The following LCOR variants were observed in gnomAD, a reference collection of about 807,000 sequenced individuals.
LCOR encodes the protein ligand dependent nuclear receptor corepressor.
In LCOR, 14 loss-of-function variants were observed where a neutral mutation model predicts 64.4. That is an observed-to-expected ratio of 0.22 (90% CI 0.14 to 0.34). LCOR has a LOEUF of 0.34. Among genes scored for constraint, LCOR ranks in the 10% least tolerant of loss-of-function variants. The probability of loss-of-function intolerance (pLI) is 1.00; values close to 1 mark genes in which losing one functional copy is unlikely to be tolerated. For synonymous variants in LCOR, 643 were observed against 642.5 expected, an observed-to-expected ratio of 1.00 and a Z score of -0.01; for missense variants, 1,686 against 1,765.3, an observed-to-expected ratio of 0.96 and a Z score of 0.80.
chr10:96,867,325 G>T (rs560135939), intron 2 of LCOR, among the ~76,000 whole-genome samples: 4 of 152,146 alleles, frequency 2.6e-5, no homozygotes, highest in African/African-American at 9.7e-5. Context: ...GGCCAGGTGC[G>T]TTGGGCTTCA....
rs748084673 is a variant in LCOR at position 96,982,766 on chromosome 10, G to T, written c.2306G>T (p.Gly769Val). Residue 769 changes from glycine (G) to valine (V), a missense_variant, in exon 8 of 8, where the codon GGT (glycine) becomes GTT (valine). By Grantham distance (109) the Gly-to-Val change is moderately radical. Around this residue, in one of 3 missense-constraint regions of LCOR, gnomAD observed 1,293 missense variants for 1,410.4 expected, o/e 0.92. Transcript: ENST00000421806. ...ACTGAGGAAAGTGAGGCAGCAGGTG[G>T]TATAGGAAAATTAGAGGGAGAGGAC... ...SETEESEAAG[G>V]IGKLEGEDGD... The T allele has an allele frequency of 1.2e-6, 2 of 1,614,036 alleles. No individual in the cohort carries two copies. Among genetic ancestry groups the T allele is most frequent in the Admixed American group, 3.3e-5 (2 of 60,008 alleles).
chr10:96,892,219 C>A (rs956868849), intron 2 of LCOR, among the ~76,000 whole-genome samples: 2 of 151,990 alleles, frequency 1.3e-5, no homozygotes, highest in African/African-American at 4.8e-5. Context: ...TATTGTTGAG[C>A]CATTTCTTCC....
At chr10:96,954,830 A>G in intron 7 of LCOR, 4 of 590,274 alleles carry the variant, frequency 6.8e-6, no homozygotes, top group Non-Finnish European at 8.4e-6. Flanking sequence ...TTAGAGAAAA[A>G]TAAATAAATA....
chr10:96,966,941 G>A (rs1475242705), intron 7 of LCOR, among the ~76,000 whole-genome samples: 1 of 152,162 alleles, frequency 6.6e-6, no homozygotes, highest in East Asian at 1.9e-4. Context: ...TCAGTACGTT[G>A]CCCTGGCTGG....
chr10:96,980,768 T>C, intron 7 of LCOR, 25 bp from the exon 8 acceptor site: 1 of 655,002 alleles, frequency 1.5e-6, no homozygotes, highest in African/African-American at 1.8e-5. Flanking sequence ...CAATACTAAT[T>C]CCTTCTTTCT....
intron 7 of LCOR, among the ~76,000 whole-genome samples, chr10:96,969,810 C>T (rs1204162438): frequency 2.2e-5 from 3 of 134,834 alleles, no homozygotes; most frequent in African/African-American, 5.7e-5. Flanking sequence ...ACAAGAGTCT[C>T]GCTCTGTTGC....
At chr10:96,899,787 C>T (rs779902354) in intron 2 of LCOR, among the ~76,000 whole-genome samples, 5 of 152,044 alleles carry the variant, frequency 3.3e-5, no homozygotes, top group Non-Finnish European at 5.9e-5. Flanking sequence ...GGCTTAAAAT[C>T]ATAAGTCTAA....
At chr10:96,954,855 T>TA (rs1360080590) in intron 7 of LCOR, 1 of 808,918 alleles carries the variant, frequency 1.2e-6, no homozygotes, top group Non-Finnish European at 2.0e-6. Context: ...AAAGTGATGT[T>TA]ACCCAAGCAA....
intron 2 of LCOR, among the ~76,000 whole-genome samples, chr10:96,906,942 A>G (rs964294266): frequency 2.0e-5 from 3 of 152,220 alleles, no homozygotes; most frequent in African/African-American, 7.2e-5. Flanking sequence ...TGAGAAAAGT[A>G]CCTTTTAAAA....
In LCOR at chr10:96,989,707, T is replaced by A. The variant is rs1342159741; in HGVS notation, c.*4573T>A. 3.4e-4 allele frequency: 40 copies of A among 116,200 alleles called. No homozygotes were observed. The highest frequency in any genetic ancestry group is 1.9e-3 in the African/African-American group (38 of 20,290). 7.2% of individuals were successfully genotyped at this position (116,200 alleles called of 1,614,324 possible). On this transcript the variant is annotated 3_prime_UTR_variant, in exon 8 of 8. Transcript: ENST00000421806. ...TATATATATATATATTTTTTTTTTT[T>A]TTTTTTTTTTTTAATAGAGACGAGG...
At chr10:96,879,850 G>A (rs1361006280) in intron 2 of LCOR, among the ~76,000 whole-genome samples, 1 of 152,042 alleles carries the variant, frequency 6.6e-6, no homozygotes, top group Non-Finnish European at 1.5e-5. Context: ...TTTAGTAGAG[G>A]CGGGGTTTCG....
Position 96,982,831 on chromosome 10 carries a change from A to C in LCOR, c.2371A>C (p.Thr791Pro). 6.2e-7 allele frequency: 1 copy of C among 1,614,120 alleles called. No individual in the cohort carries two copies. The highest frequency in any genetic ancestry group is 8.5e-7 in the Non-Finnish European group (1 of 1,180,030). Residue 791 changes from threonine to proline, a missense_variant, in exon 8 of 8, where the codon ACA becomes CCA. Around this residue, in one of 3 missense-constraint regions of LCOR, gnomAD observed 1,293 missense variants for 1,410.4 expected, o/e 0.92. Transcript: ENST00000421806. ...KCLSEKDTYD[T>P]SIDSLEENLD... ...CCTGTCAGAAAAAGACACGTATGAT[A>C]CAAGCATTGACTCACTCGAAGAGAA...
intron 2 of LCOR, among the ~76,000 whole-genome samples, chr10:96,863,903 T>C (rs1468372860): frequency 6.6e-6 from 1 of 152,228 alleles, no homozygotes; most frequent in Non-Finnish European, 1.5e-5. Flanking sequence ...TTTGGCACTT[T>C]ATTCTTTCTG....
chr10:96,936,208 A>T (rs1847348554), intron 4 of LCOR, among the ~76,000 whole-genome samples: 1 of 152,256 alleles, frequency 6.6e-6, no homozygotes, highest in South Asian at 2.1e-4. Context: ...GAAATTAGAA[A>T]CTAGTTTCAG....
In LCOR at chr10:96,980,714, G is replaced by T; in HGVS notation, c.333-79G>T. On this transcript the variant is annotated intron_variant, in intron 7 of 7. Transcript: ENST00000421806. ...ATAAATAAATAATAAAATGAATAACGTTGGGTGAATTTTATAATGTAAAAA... is the reference window on the plus strand; with the variant it reads ...ATAAATAAATAATAAAATGAATAACTTTGGGTGAATTTTATAATGTAAAAA... 6.6e-6 allele frequency: 4 copies of T among 603,964 alleles called. No individual in the cohort carries two copies. The Admixed American group carries it at 1.2e-4, about 18-fold the overall frequency. The allele number at this position is 603,964 out of a possible 1,614,324, so 37.4% of individuals were successfully genotyped here. A position where few individuals can be genotyped will look rare whatever the true frequency, so the allele number is the denominator to read the frequency against.
At position 96,982,531 on chromosome 10, in the gene LCOR, T is replaced by G. The variant is rs1241744115; in HGVS notation, c.2071T>G (p.Ser691Ala). The change falls in exon 8 of 8, where the codon TCT becomes GCT. Residue 691 changes from serine (S) to alanine (A), a missense_variant. By Grantham distance (99) the Ser-to-Ala change is moderately conservative. This residue lies in a region of LCOR where 1,293 missense variants were observed against 1,410.4 expected (regional missense o/e 0.92). Transcript: ENST00000421806. ...VSEDVISRPH[S>A]PPEIVSREES... ...TGAAGATGTCATTTCTAGGCCTCAT[T>G]CTCCTCCTGAAATAGTCAGTAGAGA... The G allele has an allele frequency of 6.2e-7, 1 of 1,614,118 alleles. No homozygotes were observed. Among genetic ancestry groups the G allele is most frequent in the Non-Finnish European group, 8.5e-7 (1 of 1,180,026 alleles).
Position 96,832,407 on chromosome 10 carries a change from C to T in LCOR, c.-404+8C>T. Reference sequence around the variant, plus strand: ...AGCTCATTCACTGTGTAGGTGAGACCCTCCGCCGACCGCCGCCGCCCCTCC... The same window carrying T: ...AGCTCATTCACTGTGTAGGTGAGACTCTCCGCCGACCGCCGCCGCCCCTCC... On this transcript the variant is annotated splice_region_variant and intron_variant, in intron 1 of 7. Transcript: ENST00000421806. 1 of 973,364 alleles carries T rather than the reference C, an allele frequency of 1.0e-6. No homozygotes were observed. The highest frequency in any genetic ancestry group is 1.2e-6 in the Non-Finnish European group (1 of 818,702). 60.3% of individuals were successfully genotyped at this position (973,364 alleles called of 1,614,324 possible). A position where few individuals can be genotyped will look rare whatever the true frequency, so the allele number is the denominator to read the frequency against.
chr10:96,942,261 A>G (rs1232515317), intron 4 of LCOR, among the ~76,000 whole-genome samples: 3 of 151,562 alleles, frequency 2.0e-5, no homozygotes, highest in Non-Finnish European at 4.4e-5. Context: ...CCAACACAGC[A>G]AAACCCCGTC....
chr10:96,989,695 A>ATTTTT lies in LCOR; in HGVS notation c.*4581_*4585dup, dbSNP rs58390684. On this transcript the variant is annotated 3_prime_UTR_variant, in exon 8 of 8. Transcript: ENST00000421806. ...TAAGGATATATATATATATATATAT[A>ATTTTT]TTTTTTTTTTTTTTTTTTTTTTTTA... 3 of 86,158 alleles carry ATTTTT rather than the reference A, an allele frequency of 3.5e-5. No individual in the cohort carries two copies. Among genetic ancestry groups the ATTTTT allele is most frequent in the South Asian group, 4.4e-4 (1 of 2,256 alleles). The allele number at this position is 86,158 out of a possible 1,614,324, so 5.3% of individuals were successfully genotyped here.
Sources: gnomAD v4.1 joint callset for allele counts (sites outside exome capture counted in the v4.1 genomes callset) on GRCh38, gnomAD v4.1.1 for gene constraint, gnomAD v4.1.1 regional missense constraint, MANE v1.5 for transcripts, NCBI Gene and HGNC (gene_info 2026-07-23, HGNC 2026-07-21) for gene names.